RANBP17: variants seen among roughly 807,000 people sequenced by gnomAD.
The protein encoded by RANBP17 is RAN binding protein 17, also known as ran-binding protein 17.
Under a neutral mutation model 141.2 loss-of-function variants are expected in RANBP17, and 158 were observed. The ratio of observed to expected loss-of-function variants is 1.12; its 90% CI spans 0.98 to 1.28. The LOEUF (loss-of-function observed/expected upper bound fraction) is 1.28. RANBP17 is among the 50% of genes most tolerant of loss of function. RANBP17 has a pLI of 0.00. For synonymous variants in RANBP17, 430 were observed against 450.0 expected, an observed-to-expected ratio of 0.96 and a Z score of 0.56; for missense variants, 1,438 against 1,290.7, an observed-to-expected ratio of 1.11 and a Z score of -1.75.
rs538977604 is a variant in RANBP17 at position 171,269,289 on chromosome 5, T to C, written c.2943+3442T>C. Among the ~76,000 whole-genome samples the C allele has an allele frequency of 2.0e-5, 3 of 152,330 alleles. No homozygotes were observed. The South Asian group carries it at 6.2e-4, about 32-fold the overall frequency. On this transcript the variant is annotated intron_variant, in intron 25 of 27. Coordinates refer to ENST00000523189, the MANE Select transcript of RANBP17 (RefSeq NM_022897.5). ...TTTTGAATTGATTTGAAATTTTGAC[T>C]CTTCCCTTTATGAGGCAGTAAAATT...
chr5:171,022,438 G>A (rs13157971), intron 14 of RANBP17, among the ~76,000 whole-genome samples: 6 of 152,102 alleles, frequency 3.9e-5, no homozygotes, highest in Non-Finnish European at 7.4e-5. Context: ...CATCCTTCCC[G>A]CTAGGGGCTC....
intron 8 of RANBP17, among the ~76,000 whole-genome samples, 168 bp downstream of exon 8, chr5:170,914,408 T>G (rs1280823467): frequency 1.3e-5 from 2 of 152,212 alleles, no homozygotes; most frequent in Non-Finnish European, 2.9e-5. Context: ...CAAATTTTGT[T>G]TGTTTTGTCA....
In RANBP17 at chr5:171,298,934, T is replaced by A. The variant is rs565135451; in HGVS notation, c.*76T>A. On this transcript the variant is annotated 3_prime_UTR_variant, in exon 28 of 28. Coordinates refer to ENST00000523189, the MANE Select transcript of RANBP17 (RefSeq NM_022897.5). ...AGGTCTGGGTCTCAGGACAGTGATG[T>A]TGGCTAGCCCAGGGGAATGTATTTT... is the stretch of plus-strand genomic sequence containing the variant. The A allele has an allele frequency of 7.1e-5, 80 of 1,126,740 alleles. No homozygotes were observed. The highest frequency in any genetic ancestry group is 1.1e-4 in the Non-Finnish European group (79 of 746,644). The allele number at this position is 1,126,740 out of a possible 1,614,324, so 69.8% of individuals were successfully genotyped here.
intron 14 of RANBP17, among the ~76,000 whole-genome samples, chr5:171,080,243 AAACAC>A (rs1051903467): frequency 1.1e-5 from 1 of 95,132 alleles, no homozygotes; most frequent in East Asian, 3.9e-4. Context: ...CACACACACA[AAACAC>A]ACACACACAC....
At chr5:171,111,705 T>C (rs1192686533) in intron 14 of RANBP17, among the ~76,000 whole-genome samples, 1 of 152,238 alleles carries the variant, frequency 6.6e-6, no homozygotes, top group South Asian at 2.1e-4. Flanking sequence ...CCCTCCTACA[T>C]GCTCTTCCTT....
chr5:170,929,166 A>G (rs1452783599), intron 12 of RANBP17, among the ~76,000 whole-genome samples: 2 of 152,106 alleles, frequency 1.3e-5, no homozygotes, highest in East Asian at 3.8e-4. Context: ...CTATGTGATC[A>G]TGTTGTCTGC....
At chr5:170,927,927 A>T (rs1773058710) in intron 12 of RANBP17, among the ~76,000 whole-genome samples, 1 of 152,006 alleles carries the variant, frequency 6.6e-6, no homozygotes, top group Non-Finnish European at 1.5e-5. Flanking sequence ...ATGTATGTTT[A>T]ATGTTGTAAG....
chr5:171,015,891 C>G (rs1174072545), intron 14 of RANBP17, among the ~76,000 whole-genome samples: 1 of 152,006 alleles, frequency 6.6e-6, no homozygotes. Flanking sequence ...TTGTATGAAC[C>G]CTAGATACTA....
Position 171,296,020 on chromosome 5 carries a change from C to T in RANBP17, c.3170+6C>T. On this transcript the variant is annotated splice_donor_region_variant and intron_variant, in intron 27 of 27. Transcript: ENST00000523189. ...TCCGTCAAGAACAGAGACAGGTGAG[C>T]ATTGCCCAGTAGTGTGTCACTGGGG... is the stretch of plus-strand genomic sequence containing the variant. 6.2e-7 allele frequency: 1 copy of T among 1,612,466 alleles called. No homozygotes were observed.
At chr5:171,064,710 G>A (rs1311094822) in intron 14 of RANBP17, among the ~76,000 whole-genome samples, 1 of 151,790 alleles carries the variant, frequency 6.6e-6, no homozygotes, top group Non-Finnish European at 1.5e-5. Context: ...TCATAGACAT[G>A]GGGTTTCTCC....
chr5:171,206,646 A>C, intron 20 of RANBP17: 1 of 177,534 alleles, frequency 5.6e-6, no homozygotes, highest in Non-Finnish European at 1.2e-5. Flanking sequence ...AAATTGCAAT[A>C]GAAACTTCTT....
intron 14 of RANBP17, among the ~76,000 whole-genome samples, chr5:171,000,405 T>C (rs950460268): frequency 2.0e-5 from 3 of 152,220 alleles, no homozygotes; most frequent in African/African-American, 7.2e-5. Flanking sequence ...CTACTTTGTT[T>C]TACTGAAGTC....
At chr5:171,006,516 C>T (rs573730490) in intron 14 of RANBP17, among the ~76,000 whole-genome samples, 40 of 152,168 alleles carry the variant, frequency 2.6e-4, no homozygotes, top group African/African-American at 7.7e-4. Context: ...AAACACTCCA[C>T]GTTCTCACTC....
At chr5:171,064,931 A>G (rs559657192) in intron 14 of RANBP17, among the ~76,000 whole-genome samples, 4 of 151,968 alleles carry the variant, frequency 2.6e-5, no homozygotes, top group African/African-American at 9.6e-5. Flanking sequence ...ATATGCTGTG[A>G]ATGTTTTTCC....
intron 21 of RANBP17, among the ~76,000 whole-genome samples, chr5:171,214,936 G>A (rs1372092587): frequency 6.6e-6 from 1 of 151,940 alleles, no homozygotes; most frequent in Admixed American, 6.6e-5. Context: ...GAACATGCAG[G>A]TTTGTTACAT....
chr5:171,116,626 G>A (rs1261269919), intron 14 of RANBP17, among the ~76,000 whole-genome samples: 1 of 152,012 alleles, frequency 6.6e-6, no homozygotes, highest in African/African-American at 2.4e-5. Flanking sequence ...GATCAGATCA[G>A]GATTATTAGC....
At chr5:170,970,145 ACT>A (rs35122299) in intron 14 of RANBP17, among the ~76,000 whole-genome samples, 90,701 of 151,212 alleles carry the variant, frequency 0.6, 28,928 homozygotes, top group South Asian at 0.88. Flanking sequence ...GAAAGAACAG[ACT>A]CTCTAAGACA....
In RANBP17 at chr5:171,199,672, G is replaced by A. The variant is rs374054397; in HGVS notation, c.2041G>A (p.Glu681Lys). 3.7e-6 allele frequency: 6 copies of A among 1,600,438 alleles called. No homozygotes were observed. The highest frequency in any genetic ancestry group is 4.5e-5 in the East Asian group (2 of 44,728). ...LTRLLMVDLG[E>K]DEDEFENFML... Reference sequence around the variant, plus strand: ...TGACCCTTTTGTTTCTCTGATAGGTGAAGATGAGGATGAATTTGAGAATTT... The same window carrying A: ...TGACCCTTTTGTTTCTCTGATAGGTAAAGATGAGGATGAATTTGAGAATTT... The change falls in exon 19 of 28, where the codon GAA becomes AAA. Residue 681 changes from glutamate to lysine, a missense_variant and splice_region_variant. Glu to Lys is a moderately conservative substitution (Grantham distance 56). Transcript: ENST00000523189.
At chr5:171,093,977 G>A (rs768640093) in intron 14 of RANBP17, among the ~76,000 whole-genome samples, 27 of 152,132 alleles carry the variant, frequency 1.8e-4, no homozygotes, top group Non-Finnish European at 2.9e-4. Context: ...TTTAAAGAGT[G>A]CATAGTTTTT....
Sources: allele counts gnomAD v4.1 joint callset (sites outside exome capture counted in the v4.1 genomes callset), GRCh38; gene constraint gnomAD v4.1.1; transcripts MANE v1.5; gene names NCBI Gene and HGNC (gene_info 2026-07-23, HGNC 2026-07-21).